Variants in PKHD1L1 observed in about 807,000 individuals in gnomAD.
The protein encoded by PKHD1L1 is fibrocystin-L.
PKHD1L1 carries 434 observed loss-of-function variants against 462.9 expected under a neutral mutation model. That is an observed-to-expected ratio of 0.94 (90% confidence interval 0.87 to 1.02). PKHD1L1 has a LOEUF of 1.02. PKHD1L1 is among the 50% of genes least tolerant of loss of function. The pLI is 0.00. For synonymous variants in PKHD1L1, 1,781 were observed against 1,750.0 expected, an observed-to-expected ratio of 1.02 and a Z score of -0.44; for missense variants, 5,202 against 5,096.1, an observed-to-expected ratio of 1.02 and a Z score of -0.63.
Position 109,498,684 on chromosome 8 carries a change from T to C in PKHD1L1, c.10741T>C (p.Phe3581Leu), listed in dbSNP as rs977210554. ...GGRSGICWPT[F>L]ASAHNMAPRK... ...GAGAAGTGGGATTTGTTGGCCTACC[T>C]TTGCTTCAGCTCATAACATGGCACC... Residue 3581 changes from phenylalanine (F) to leucine (L), a missense_variant, in exon 67 of 78, where the codon TTT (phenylalanine) becomes CTT (leucine). By Grantham distance (22) the Phe-to-Leu change is conservative (BLOSUM62 0). Around this residue, in one of 3 missense-constraint regions of PKHD1L1, gnomAD observed 4,497 missense variants for 4,336.8 expected, o/e 1.04. Transcript: ENST00000378402. The C allele has an allele frequency of 1.9e-6, 3 of 1,613,996 alleles. No homozygotes were observed. The highest frequency in any genetic ancestry group is 2.5e-6 in the Non-Finnish European group (3 of 1,179,890).
At chr8:109,400,002 C>A in intron 12 of PKHD1L1, 74 bp from the exon 13 acceptor site, 1 of 1,431,746 alleles carries the variant, frequency 7.0e-7, no homozygotes, top group Non-Finnish European at 9.5e-7. Context: ...CTATAACCAA[C>A]ATCCAAATAG....
chr8:109,460,797 C>T (rs1817080261), intron 47 of PKHD1L1, among the ~76,000 whole-genome samples: 1 of 152,134 alleles, frequency 6.6e-6, no homozygotes, highest in African/African-American at 2.4e-5. Context: ...TATGGGTCAA[C>T]AGGTGGGCTC....
chr8:109,509,182 A>G (rs1819849883), intron 70 of PKHD1L1, among the ~76,000 whole-genome samples: 1 of 151,952 alleles, frequency 6.6e-6, no homozygotes, highest in South Asian at 2.1e-4. Flanking sequence ...CACTTCTCCC[A>G]CCCCAATGTG....
chr8:109,364,479 A>T, intron 1 of PKHD1L1, 68 bp from the exon 2 acceptor site: 2 of 1,081,870 alleles, frequency 1.8e-6, no homozygotes, highest in Non-Finnish European at 2.7e-6. Context: ...GGTATGTGTT[A>T]CAAATTTTGA....
rs765258743 is a variant in PKHD1L1, at chr8:109,518,309, A to G, written c.11832A>G (p.Leu3944=). ...CAGTGATATTTGTTTCTTTCCAATT[A>G]TCTGTTGCAACAGAAGATGACTTTT... ...TATVIFVSFQ[L]SVATEDDFYT... The change falls in exon 73 of 78, where the codon TTA becomes TTG. Residue 3944 remains leucine, a synonymous_variant. Transcript: ENST00000378402. 1.9e-6 allele frequency: 3 copies of G among 1,613,022 alleles called. No individual in the cohort carries two copies. Among genetic ancestry groups the G allele is most frequent in the African/African-American group, 1.3e-5 (1 of 74,874 alleles).
chr8:109,447,057 T>C (rs1816185478), intron 38 of PKHD1L1, among the ~76,000 whole-genome samples: 1 of 152,104 alleles, frequency 6.6e-6, no homozygotes, highest in Admixed American at 6.5e-5. Context: ...ACCCCGTCTC[T>C]ACTAAAATAC....
intron 2 of PKHD1L1, among the ~76,000 whole-genome samples, chr8:109,367,190 A>G (rs1292024552): frequency 6.6e-6 from 1 of 152,182 alleles, no homozygotes; most frequent in Non-Finnish European, 1.5e-5. Flanking sequence ...AATTTGCAAA[A>G]CACACCAGAG....
At position 109,507,884 on chromosome 8, in the gene PKHD1L1, C is replaced by T. The variant is rs1254110256; in HGVS notation, c.11216C>T (p.Ala3739Val). 2 of 1,613,324 alleles carry T rather than the reference C, an allele frequency of 1.2e-6. No individual in the cohort carries two copies. Among genetic ancestry groups the T allele is most frequent in the South Asian group, 1.1e-5 (1 of 91,066 alleles). The change falls in exon 69 of 78, where the codon GCA (alanine) becomes GTA (valine). Residue 3739 changes from alanine (A) to valine (V), a missense_variant. This residue lies in a region of PKHD1L1 where 698 missense variants were observed against 736.3 expected (regional missense o/e 0.95). Transcript: ENST00000378402. ...AGTAGAATTCCTGTCACTGAGAAAG[C>T]ACCTCATAAAGGTTTGTTGGATCTT... ...NGSRIPVTEK[A>V]PHKGIIRDST...
In PKHD1L1 at chr8:109,526,924, G is replaced by T. The variant is rs1240154455; in HGVS notation, c.12625G>T (p.Ala4209Ser). 2.5e-6 allele frequency: 4 copies of T among 1,613,660 alleles called. No homozygotes were observed. Among genetic ancestry groups the T allele is most frequent in the Non-Finnish European group, 3.4e-6 (4 of 1,179,796 alleles). ...NSKASTVGTYAQIMTVVISCL... is the reference protein window; with the variant it reads ...NSKASTVGTYSQIMTVVISCL... ...CAAAGCATCAACTGTGGGTACATAT[G>T]CCCAGATAATGACTGTAGTAATTAG... is the stretch of plus-strand genomic sequence containing the variant. Residue 4209 changes from alanine to serine, a missense_variant, in exon 77 of 78, where the codon GCC becomes TCC. Ala to Ser is a moderately conservative substitution (Grantham distance 99). This residue lies in a region of PKHD1L1 where 698 missense variants were observed against 736.3 expected (regional missense o/e 0.95). Transcript: ENST00000378402.
Position 109,491,886 on chromosome 8 carries a change from G to C in PKHD1L1, c.10128G>C (p.Trp3376Cys). The C allele has an allele frequency of 1.9e-6, 3 of 1,602,678 alleles. No homozygotes were observed. The highest frequency in any genetic ancestry group is 2.6e-6 in the Non-Finnish European group (3 of 1,171,660). Residue 3376 changes from tryptophan to cysteine, a missense_variant, in exon 62 of 78, where the codon TGG becomes TGC. Transcript: ENST00000378402. ...TTTTTTAAACAGGCATAAGAATATGGGGGAATGCCAACCGAGTCCGAGGGA... is the reference window on the plus strand; with the variant it reads ...TTTTTTAAACAGGCATAAGAATATGCGGGAATGCCAACCGAGTCCGAGGGA... ...HFTVGEGIRIWGNANRVRGNL... is the reference protein window; with the variant it reads ...HFTVGEGIRICGNANRVRGNL...
At chr8:109,467,451 T>C (rs1026694757) in intron 50 of PKHD1L1, among the ~76,000 whole-genome samples, 2 of 150,012 alleles carry the variant, frequency 1.3e-5, no homozygotes, top group South Asian at 2.1e-4. Flanking sequence ...TTTTATTTGA[T>C]TAAGGAGGTG....
chr8:109,414,688 C>T (rs1814041757), intron 21 of PKHD1L1, among the ~76,000 whole-genome samples: 1 of 152,000 alleles, frequency 6.6e-6, no homozygotes, highest in South Asian at 2.1e-4. Context: ...TAACTCAGAA[C>T]TTTCATGTGT....
chr8:109,444,799 A>C lies in PKHD1L1; in HGVS notation c.4930A>C (p.Ile1644Leu), dbSNP rs1402419535. 6.2e-7 allele frequency: 1 copy of C among 1,614,014 alleles called. No homozygotes were observed. Among genetic ancestry groups the C allele is most frequent in the Admixed American group, 1.7e-5 (1 of 60,018 alleles). ...TLTVYNLGTA[I>L]NTLSNEFDRR... ...GACTGTCTACAACCTGGGCACTGCTATCAATACGTTGTCCAATGAATTTGA... is the reference window on the plus strand; with the variant it reads ...GACTGTCTACAACCTGGGCACTGCTCTCAATACGTTGTCCAATGAATTTGA... Residue 1644 changes from isoleucine (I) to leucine (L), a missense_variant, in exon 38 of 78, where the codon ATC becomes CTC. Around this residue, in one of 3 missense-constraint regions of PKHD1L1, gnomAD observed 4,497 missense variants for 4,336.8 expected, o/e 1.04. Coordinates refer to ENST00000378402, the MANE Select transcript of PKHD1L1 (RefSeq NM_177531.6).
intron 48 of PKHD1L1, among the ~76,000 whole-genome samples, chr8:109,463,069 C>CT (rs1817228527): frequency 6.6e-6 from 1 of 152,014 alleles, no homozygotes; most frequent in African/African-American, 2.4e-5. Flanking sequence ...AACATAAGCT[C>CT]TATTATTTTA....
In PKHD1L1 at chr8:109,464,632, C is replaced by G. The variant is rs1215838222; in HGVS notation, c.7800C>G (p.Asn2600Lys). The G allele has an allele frequency of 8.7e-6, 14 of 1,612,462 alleles. No individual in the cohort carries two copies. Among genetic ancestry groups the G allele is most frequent in the Non-Finnish European group, 1.2e-5 (14 of 1,179,766 alleles). The change falls in exon 49 of 78, where the codon AAC (asparagine) becomes AAG (lysine). Residue 2600 changes from asparagine to lysine, a missense_variant. Asn to Lys is a moderately conservative substitution (Grantham distance 94, BLOSUM62 0). Coordinates refer to ENST00000378402, the MANE Select transcript of PKHD1L1 (RefSeq NM_177531.6). ...NHPDGPSYDR[N>K]ICQKRVPLGE... Reference sequence around the variant, plus strand: ...CTGATGGGCCATCCTATGACAGAAACATTTGTCAAAAAAGAGTTCCCCTTG... The same window carrying G: ...CTGATGGGCCATCCTATGACAGAAAGATTTGTCAAAAAAGAGTTCCCCTTG...
chr8:109,399,977 A>C (rs2130533456), intron 12 of PKHD1L1, 99 bp from the exon 13 acceptor site: 1 of 1,251,176 alleles, frequency 8.0e-7, no homozygotes. Context: ...AAAAATATGA[A>C]TTGATATACA....
At chr8:109,489,598 G>A (rs1043391144) in intron 59 of PKHD1L1, among the ~76,000 whole-genome samples, 1 of 151,794 alleles carries the variant, frequency 6.6e-6, no homozygotes, top group Non-Finnish European at 1.5e-5. Flanking sequence ...TTCTCAATTC[G>A]AAAATATCAC....
chr8:109,474,844 TC>T (rs908002236), intron 50 of PKHD1L1, among the ~76,000 whole-genome samples: 3 of 152,166 alleles, frequency 2.0e-5, no homozygotes, highest in African/African-American at 7.2e-5. Flanking sequence ...AGGCTCCATC[TC>T]AATTCAAAAT....
rs578111525 is a variant in PKHD1L1, at chr8:109,422,758, T to C, written c.2697+2068T>C. Among the ~76,000 whole-genome samples the C allele has an allele frequency of 6.2e-4, 94 of 152,290 alleles. 1 individual carries two copies. Among genetic ancestry groups the C allele is most frequent in the Middle Eastern group, 3.4e-3 (1 of 294 alleles). On this transcript the variant is annotated intron_variant, in intron 23 of 77. Transcript: ENST00000378402. ...CCAACAGTGCAATTATAGGGTTGTA[T>C]GGTAAGAACATGTATAGTTTTTAAA...
Sources: gnomAD v4.1 joint callset for allele counts (sites outside exome capture counted in the v4.1 genomes callset) on GRCh38, gnomAD v4.1.1 for gene constraint, gnomAD v4.1.1 regional missense constraint, MANE v1.5 for transcripts, NCBI Gene and HGNC (gene_info 2026-07-23, HGNC 2026-07-21) for gene names.